The following FRMD4A variants were observed in gnomAD, a reference collection of about 807,000 sequenced individuals.
FRMD4A encodes the protein FERM domain containing 4A, also known as FERM domain-containing protein 4A.
In FRMD4A, 29 loss-of-function variants were observed where a neutral mutation model predicts 129.1. The observed-to-expected ratio is 0.22, with a 90% CI of 0.17 to 0.31. The LOEUF is 0.31. FRMD4A is among the 10% of genes least tolerant of loss of function. The probability of loss-of-function intolerance (pLI) is 1.00; values close to 1 mark genes in which losing one functional copy is unlikely to be tolerated. For synonymous variants in FRMD4A, 634 were observed against 571.6 expected, an observed-to-expected ratio of 1.11 and a Z score of -1.56; for missense variants, 1,272 against 1,375.8, an observed-to-expected ratio of 0.92 and a Z score of 1.19.
intron 13 of FRMD4A, among the ~76,000 whole-genome samples, chr10:13,701,702 A>G (rs2086848826): frequency 6.6e-6 from 1 of 152,188 alleles, no homozygotes; most frequent in Admixed American, 6.5e-5. Context: ...GACTCCCTAG[A>G]GTTCAGAATC....
At chr10:14,233,768 C>T (rs116358448) in intron 2 of FRMD4A, among the ~76,000 whole-genome samples, 30 of 152,328 alleles carry the variant, frequency 2.0e-4, no homozygotes, top group African/African-American at 6.7e-4. Context: ...GGAGAAGGAG[C>T]GGCAGCTGCA....
intron 2 of FRMD4A, among the ~76,000 whole-genome samples, chr10:14,190,488 G>A (rs913507689): frequency 2.6e-5 from 4 of 152,056 alleles, no homozygotes; most frequent in South Asian, 2.1e-4. Context: ...CCTGCCTCCC[G>A]AGTAGCTGAG....
intron 2 of FRMD4A, among the ~76,000 whole-genome samples, chr10:14,249,439 C>A (rs1288084829): frequency 6.6e-6 from 1 of 152,144 alleles, no homozygotes; most frequent in Non-Finnish European, 1.5e-5. Context: ...GAAGCTGGGG[C>A]CAGAGGCCAG....
intron 2 of FRMD4A, among the ~76,000 whole-genome samples, chr10:14,185,479 A>C (rs771762134): frequency 6.6e-6 from 1 of 152,212 alleles, no homozygotes; most frequent in Non-Finnish European, 1.5e-5. Context: ...ACATTACAAC[A>C]TTTTGTAATT....
intron 2 of FRMD4A, among the ~76,000 whole-genome samples, chr10:13,910,910 A>G (rs2094934543): frequency 1.4e-5 from 1 of 70,488 alleles, no homozygotes; most frequent in African/African-American, 4.5e-5. Flanking sequence ...AAAAAAAAAA[A>G]AAAAAAAAAA....
intron 2 of FRMD4A, among the ~76,000 whole-genome samples, chr10:14,196,164 TAC>T (rs10536108): frequency 0.12 from 17,913 of 148,988 alleles, 1,491 homozygotes; most frequent in African/African-American, 0.24. Flanking sequence ...TGCACACACA[TAC>T]ACACACACAC....
chr10:13,989,116 G>A (rs1379715135), intron 2 of FRMD4A, among the ~76,000 whole-genome samples: 1 of 152,064 alleles, frequency 6.6e-6, no homozygotes, highest in Non-Finnish European at 1.5e-5. Flanking sequence ...GCAGAGCTCT[G>A]GTTGACCAGG....
chr10:13,778,633 GT>G (rs1431235735), intron 6 of FRMD4A, among the ~76,000 whole-genome samples: 1 of 151,256 alleles, frequency 6.6e-6, no homozygotes, highest in Non-Finnish European at 1.5e-5. Context: ...TTGTGTGTGT[GT>G]TAAGGTTTAA....
At chr10:14,324,651 C>CTATTTATTTATTTATTTATT (rs10562916) in intron 2 of FRMD4A, among the ~76,000 whole-genome samples, 23 of 151,166 alleles carry the variant, frequency 1.5e-4, no homozygotes, top group Non-Finnish European at 2.1e-4. Flanking sequence ...TATCTTAATG[C>CTATTTATTTATTTATTTATT]TATTTATTTA....
Position 13,825,313 on chromosome 10 carries a change from G to A in FRMD4A, c.112-14405C>T, listed in dbSNP as rs560748272. On this transcript the variant is annotated intron_variant, in intron 3 of 24. Transcript: ENST00000357447. ...AGATGGCTACTAACTGACTAAAGGTGGGGAGCGTCAACACTAGGGGTCCCC... is the reference window on the plus strand; with the variant it reads ...AGATGGCTACTAACTGACTAAAGGTAGGGAGCGTCAACACTAGGGGTCCCC... Among the ~76,000 whole-genome samples, 8 of 152,262 alleles carry A rather than the reference G, an allele frequency of 5.3e-5. No individual in the cohort carries two copies. The South Asian group carries it at 8.3e-4, about 16-fold the overall frequency.
chr10:13,981,178 T>C (rs2095559217), intron 2 of FRMD4A, among the ~76,000 whole-genome samples: 1 of 152,128 alleles, frequency 6.6e-6, no homozygotes, highest in African/African-American at 2.4e-5. Flanking sequence ...GGATGGTAGA[T>C]ATGGGTTATG....
At chr10:14,093,652 C>G (rs1213890184) in intron 2 of FRMD4A, among the ~76,000 whole-genome samples, 1 of 152,140 alleles carries the variant, frequency 6.6e-6, no homozygotes, top group East Asian at 1.9e-4. Context: ...AAACAAATGT[C>G]TTTGATTTCA....
At chr10:13,684,377 G>A (rs1397352375) in intron 15 of FRMD4A, 14 of 984,876 alleles carry the variant, frequency 1.4e-5, no homozygotes, top group South Asian at 1.4e-4. Context: ...TGAACTTCCC[G>A]ATGCTATGAA....
At chr10:14,299,059 G>T (rs1046418898) in intron 2 of FRMD4A, among the ~76,000 whole-genome samples, 34 of 152,166 alleles carry the variant, frequency 2.2e-4, no homozygotes, top group African/African-American at 8.2e-4. Flanking sequence ...GACATTCAGC[G>T]ATCAAACTGG....
intron 2 of FRMD4A, among the ~76,000 whole-genome samples, chr10:14,145,457 C>T (rs957754609): frequency 1.3e-5 from 2 of 152,118 alleles, no homozygotes; most frequent in Non-Finnish European, 2.9e-5. Context: ...GACCAGTGAC[C>T]GCATATGTCC....
At chr10:13,751,912 A>T (rs2091645051) in intron 8 of FRMD4A, among the ~76,000 whole-genome samples, 1 of 152,158 alleles carries the variant, frequency 6.6e-6, no homozygotes, top group Non-Finnish European at 1.5e-5. Context: ...GCTATCTGGG[A>T]GGCTAAAGTG....
chr10:14,262,618 T>C (rs1444012344), intron 2 of FRMD4A, among the ~76,000 whole-genome samples: 1 of 152,114 alleles, frequency 6.6e-6, no homozygotes, highest in African/African-American at 2.4e-5. Flanking sequence ...CCAGAGCTCA[T>C]GAGTTAAAGA....
chr10:13,951,441 T>C (rs999672401), intron 2 of FRMD4A, among the ~76,000 whole-genome samples: 1 of 151,794 alleles, frequency 6.6e-6, no homozygotes, highest in South Asian at 2.1e-4. Context: ...GAGGGAGATA[T>C]TGAAGATGAA....
intron 2 of FRMD4A, among the ~76,000 whole-genome samples, chr10:13,977,484 G>T (rs181060578): frequency 6.6e-6 from 1 of 152,248 alleles, no homozygotes; most frequent in Admixed American, 6.5e-5. Context: ...TCTTAAAAAC[G>T]TAAAAATACC....
Sources: gnomAD v4.1 joint callset for allele counts (sites outside exome capture counted in the v4.1 genomes callset) on GRCh38, gnomAD v4.1.1 for gene constraint, MANE v1.5 for transcripts, NCBI Gene and HGNC (gene_info 2026-07-23, HGNC 2026-07-21) for gene names.